The following POLI variants were observed in gnomAD, a reference collection of about 807,000 sequenced individuals.
POLI encodes the protein DNA polymerase iota, also known as RAD30 homolog B.
A neutral mutation model predicts 51.6 loss-of-function variants in POLI; 58 were observed. That is an observed-to-expected ratio of 1.12 (90% CI 0.91 to 1.40). The LOEUF is 1.40. Among genes scored for constraint, POLI ranks in the 40% most tolerant of loss-of-function variants. The probability of loss-of-function intolerance (pLI) is 0.00; values close to 1 mark genes in which losing one functional copy is unlikely to be tolerated. For synonymous variants in POLI, 322 were observed against 299.7 expected, an observed-to-expected ratio of 1.07 and a Z score of -0.77; for missense variants, 921 against 871.3, an observed-to-expected ratio of 1.06 and a Z score of -0.72.
chr18:54,279,304 G>A (rs1215646557), intron 4 of POLI, among the ~76,000 whole-genome samples: 1 of 140,590 alleles, frequency 7.1e-6, no homozygotes, highest in African/African-American at 2.7e-5. Flanking sequence ...GTGCAGTGAT[G>A]TGATCTCGGC....
chr18:54,294,650 A>T lies in POLI; in HGVS notation c.*183A>T. On this transcript the variant is annotated 3_prime_UTR_variant, in exon 10 of 10. Coordinates refer to ENST00000579534, the MANE Select transcript of POLI (RefSeq NM_007195.3). ...CAAAGCGTAAAAATATAACAGAAGA[A>T]ATAATGTAAAATACTATCTTTTATG... 8.0e-7 allele frequency: 1 copy of T among 1,256,636 alleles called. No individual in the cohort carries two copies. Among genetic ancestry groups the T allele is most frequent in the Non-Finnish European group, 1.0e-6 (1 of 999,788 alleles). The allele number at this position is 1,256,636 out of a possible 1,614,324, so 77.8% of individuals were successfully genotyped here. A position where few individuals can be genotyped will look rare whatever the true frequency, so the allele number is the denominator to read the frequency against.
chr18:54,299,862 C>T (rs1011376061), downstream of POLI, among the ~76,000 whole-genome samples: 1 of 152,074 alleles, frequency 6.6e-6, no homozygotes, highest in African/African-American at 2.4e-5. Context: ...TAAACACCAT[C>T]CCTTGAAAAA....
chr18:54,297,295 T>G lies in POLI; in HGVS notation c.*2828T>G. On this transcript the variant is annotated 3_prime_UTR_variant, in exon 10 of 10. Transcript: ENST00000579534. ...TTTCAGCTCGAGTTTGTTGTTGTTTTTTTTTTTTCCTGTTTCTGTCTTGAA... is the reference window on the plus strand; with the variant it reads ...TTTCAGCTCGAGTTTGTTGTTGTTTGTTTTTTTTCCTGTTTCTGTCTTGAA... The G allele has an allele frequency of 2.0e-6, 2 of 985,284 alleles. No individual in the cohort carries two copies. The highest frequency in any genetic ancestry group is 2.4e-6 in the Non-Finnish European group (2 of 829,834). 61.0% of individuals were successfully genotyped at this position (985,284 alleles called of 1,614,324 possible).
rs186421775 is a variant in POLI, at chr18:54,286,257, C to T, written c.1068-1024C>T. 1.3e-4 allele frequency among the ~76,000 whole-genome samples: 20 copies of T among 152,240 alleles called. No individual in the cohort carries two copies. In the East Asian group the frequency reaches 3.9e-3, roughly 29 times the overall value. ...TATGTTTGAGATTTGGTTTTATATGCATTGCCATGTGTATAAAAAGGGAAA... is the reference window on the plus strand; with the variant it reads ...TATGTTTGAGATTTGGTTTTATATGTATTGCCATGTGTATAAAAAGGGAAA... On this transcript the variant is annotated intron_variant, in intron 7 of 9. Coordinates refer to ENST00000579534, the MANE Select transcript of POLI (RefSeq NM_007195.3).
In POLI at chr18:54,274,108, T is replaced by C. The variant is rs1186880201; in HGVS notation, c.406+18T>C. ...GGTTACAGGTACAAATGATAAGCAA[T>C]GTACTTTTAGCATTAATTTTTATGT... On this transcript the variant is annotated intron_variant, in intron 3 of 9. Transcript: ENST00000579534. 3.0e-6 allele frequency: 4 copies of C among 1,323,150 alleles called. No individual in the cohort carries two copies. Among genetic ancestry groups the C allele is most frequent in the Non-Finnish European group, 3.0e-6 (3 of 1,014,366 alleles). The allele number at this position is 1,323,150 out of a possible 1,614,324, so 82.0% of individuals were successfully genotyped here. A position where few individuals can be genotyped will look rare whatever the true frequency, so the allele number is the denominator to read the frequency against.
intron 1 of POLI, chr18:54,269,979 C>T (rs2144412795): frequency 1.8e-6 from 2 of 1,111,180 alleles, no homozygotes; most frequent in South Asian, 4.0e-5. Context: ...GCAGAGGCTT[C>T]TGGGCCTTTT....
chr18:54,315,635 C>T (rs1351420521), intron 3 of POLI, among the ~76,000 whole-genome samples: 2 of 152,072 alleles, frequency 1.3e-5, no homozygotes, highest in Non-Finnish European at 2.9e-5. Flanking sequence ...ATCGGTGCTC[C>T]AATGTTGGGC....
At position 54,277,731 on chromosome 18, in the gene POLI, T is replaced by G; in HGVS notation, c.435T>G (p.Val145=). ...TELLEEFSPV[V]ERLGFDENFV... Reference sequence around the variant, plus strand: ...TACTGGAAGAATTTAGTCCAGTTGTTGAGAGACTTGGATTTGATGAAAATT... The same window carrying G: ...TACTGGAAGAATTTAGTCCAGTTGTGGAGAGACTTGGATTTGATGAAAATT... Residue 145 remains valine, a synonymous_variant, in exon 4 of 10, where the codon GTT becomes GTG. Transcript: ENST00000579534. 6.2e-7 allele frequency: 1 copy of G among 1,605,928 alleles called. No individual in the cohort carries two copies. Among genetic ancestry groups the G allele is most frequent in the East Asian group, 2.2e-5 (1 of 44,824 alleles).
At chr18:54,306,352 G>C (rs1255939178) in intron 3 of POLI, among the ~76,000 whole-genome samples, 1 of 152,178 alleles carries the variant, frequency 6.6e-6, no homozygotes, top group Non-Finnish European at 1.5e-5. Flanking sequence ...TTTGTCATTG[G>C]TTCTGTTTAT....
chr18:54,290,527 C>G (rs894144405), intron 8 of POLI, among the ~76,000 whole-genome samples: 1 of 152,144 alleles, frequency 6.6e-6, no homozygotes, highest in Non-Finnish European at 1.5e-5. Context: ...GACACATGCA[C>G]GCGTATGTTT....
intron 3 of POLI, among the ~76,000 whole-genome samples, chr18:54,307,277 G>C (rs758478761): frequency 6.6e-5 from 10 of 152,160 alleles, no homozygotes; most frequent in Non-Finnish European, 1.5e-4. Flanking sequence ...ATGTCCCAGA[G>C]ATTCTGGTAC....
At position 54,297,868 on chromosome 18, in the gene POLI, G is replaced by A; in HGVS notation, c.*3401G>A. The A allele has an allele frequency of 1.0e-6, 1 of 980,666 alleles. No homozygotes were observed. Among genetic ancestry groups the A allele is most frequent in the Non-Finnish European group, 1.2e-6 (1 of 826,480 alleles). The allele number at this position is 980,666 out of a possible 1,614,324, so 60.7% of individuals were successfully genotyped here. A position where few individuals can be genotyped will look rare whatever the true frequency, so the allele number is the denominator to read the frequency against. On this transcript the variant is annotated 3_prime_UTR_variant, in exon 10 of 10. Coordinates refer to ENST00000579534, the MANE Select transcript of POLI (RefSeq NM_007195.3). The stretch of plus-strand genomic sequence containing the variant: ...TTATTTTTTTGATGGGACATGGTGG[G>A]GGCTTACCTTTTTTCTTGTGTGTCA...
At chr18:54,300,695 C>T (rs754872620), downstream of POLI, among the ~76,000 whole-genome samples, 3 of 151,900 alleles carry the variant, frequency 2.0e-5, no homozygotes, top group South Asian at 6.2e-4. Flanking sequence ...AAAAGTAGGA[C>T]CCAACTGTCT....
At chr18:54,307,655 C>T (rs1164692814) in intron 3 of POLI, among the ~76,000 whole-genome samples, 22 of 152,184 alleles carry the variant, frequency 1.4e-4, no homozygotes, top group African/African-American at 3.6e-4. Flanking sequence ...CCTTCTGTCT[C>T]GTTGATCTGT....
chr18:54,316,853 T>C (rs1336461843), intron 3 of POLI, among the ~76,000 whole-genome samples: 1 of 152,206 alleles, frequency 6.6e-6, no homozygotes, highest in Non-Finnish European at 1.5e-5. Context: ...AGCACCACCT[T>C]GTGCACTTAA....
chr18:54,297,053 A>C lies in POLI; in HGVS notation c.*2586A>C. 1 of 985,402 alleles carries C rather than the reference A, an allele frequency of 1.0e-6. No individual in the cohort carries two copies. The highest frequency in any genetic ancestry group is 1.2e-6 in the Non-Finnish European group (1 of 829,910). 61.0% of individuals were successfully genotyped at this position (985,402 alleles called of 1,614,324 possible). ...GTTGCTTCTCTGGGTGAGGTGGTAC[A>C]AACTCCTTGGCATACTCTATTCACC... On this transcript the variant is annotated 3_prime_UTR_variant, in exon 10 of 10. Coordinates refer to ENST00000579534, the MANE Select transcript of POLI (RefSeq NM_007195.3).
At chr18:54,304,663 C>T (rs2088550338) in intron 3 of POLI, among the ~76,000 whole-genome samples, 1 of 151,864 alleles carries the variant, frequency 6.6e-6, no homozygotes, top group Non-Finnish European at 1.5e-5. Context: ...GGATATTAGC[C>T]CTTTGACAGA....
At chr18:54,276,851 A>G (rs951543769) in intron 3 of POLI, among the ~76,000 whole-genome samples, 1 of 152,142 alleles carries the variant, frequency 6.6e-6, no homozygotes, top group Non-Finnish European at 1.5e-5. Flanking sequence ...TAGTCCTTTT[A>G]TTTCTGAGCT....
At chr18:54,307,969 T>C (rs952515223) in intron 3 of POLI, among the ~76,000 whole-genome samples, 16 of 152,108 alleles carry the variant, frequency 1.1e-4, no homozygotes, top group African/African-American at 3.9e-4. Context: ...TTTGAGCTTA[T>C]GTGTGTCTCT....
Sources: allele counts gnomAD v4.1 joint callset (sites outside exome capture counted in the v4.1 genomes callset), GRCh38; gene constraint gnomAD v4.1.1; transcripts MANE v1.5; gene names NCBI Gene and HGNC (gene_info 2026-07-23, HGNC 2026-07-21).